Variants in RBM47 observed in about 807,000 individuals in gnomAD.
The protein encoded by RBM47 is RNA binding motif protein 47, also known as RNA-binding protein 47.
A neutral mutation model predicts 47.1 loss-of-function variants in RBM47; 21 were observed. That is an observed-to-expected ratio of 0.45 (90% CI 0.32 to 0.64). The LOEUF is 0.64. Among genes scored for constraint, RBM47 ranks in the 30% least tolerant of loss-of-function variants. The probability of loss-of-function intolerance (pLI) is 0.05; values close to 1 mark genes in which losing one functional copy is unlikely to be tolerated. For missense variants in RBM47, 708 were observed against 870.9 expected (o/e 0.81, Z 2.35); for synonymous variants, 375 against 361.7 (o/e 1.04, Z -0.42).
At chr4:40,430,259 A>C (rs74834163) in intron 6 of RBM47, among the ~76,000 whole-genome samples, 9 of 144,150 alleles carry the variant, frequency 6.2e-5, no homozygotes, top group Admixed American at 2.1e-4. Flanking sequence ...CAAAAAAAAA[A>C]CCCTGATGGC....
At chr4:40,505,914 AC>A (rs1441132341) in intron 2 of RBM47, among the ~76,000 whole-genome samples, 3 of 151,812 alleles carry the variant, frequency 2.0e-5, no homozygotes, top group African/African-American at 7.3e-5. Flanking sequence ...ACAAAACAAA[AC>A]AAAAAACAAA....
intron 2 of RBM47, among the ~76,000 whole-genome samples, chr4:40,474,773 C>A (rs1203383258): frequency 2.0e-5 from 3 of 152,150 alleles, no homozygotes; most frequent in Non-Finnish European, 4.4e-5. Flanking sequence ...TTTCTTTGAA[C>A]CCAAACTTAT....
intron 5 of RBM47, among the ~76,000 whole-genome samples, chr4:40,434,626 CAGT>C (rs1712003423): frequency 3.4e-5 from 1 of 29,774 alleles, no homozygotes. Flanking sequence ...ACTTTGCCCA[CAGT>C]GCCAATGACA....
chr4:40,627,409 A>ATC (rs1737843416), intron 1 of RBM47, among the ~76,000 whole-genome samples: 1 of 151,962 alleles, frequency 6.6e-6, no homozygotes, highest in Admixed American at 6.6e-5. Context: ...TTTTAAGAAA[A>ATC]TCTCCCTCCC....
At chr4:40,451,278 T>C (rs1190132515) in intron 3 of RBM47, among the ~76,000 whole-genome samples, 1 of 149,138 alleles carries the variant, frequency 6.7e-6, no homozygotes, top group Non-Finnish European at 1.5e-5. Flanking sequence ...TGTGATACAA[T>C]AATACTCATT....
chr4:40,426,398 G>A (rs1715047911), intron 6 of RBM47, among the ~76,000 whole-genome samples: 1 of 152,206 alleles, frequency 6.6e-6, no homozygotes, highest in South Asian at 2.1e-4. Context: ...TGAGGGAAAG[G>A]TGAAATACAG....
rs144990214 is a variant in RBM47 at position 40,465,461 on chromosome 4, A to G, written c.-32+1116T>C. 4.8e-3 allele frequency among the ~76,000 whole-genome samples: 737 copies of G among 152,246 alleles called. 8 individuals are homozygous for G. Among genetic ancestry groups the G allele is most frequent in the African/African-American group, 0.017 (716 of 41,536 alleles). ...GATTGCCTGAGCTCAGAGGTTCAAG[A>G]CCAGCCTGGGCAACACAGTGAAACC... is the stretch of plus-strand genomic sequence containing the variant. On this transcript the variant is annotated intron_variant, in intron 3 of 6. Coordinates refer to ENST00000295971, the MANE Select transcript of RBM47 (RefSeq NM_001098634.2).
chr4:40,505,862 G>A (rs984882667), intron 2 of RBM47, among the ~76,000 whole-genome samples: 1 of 151,698 alleles, frequency 6.6e-6, no homozygotes, highest in South Asian at 2.1e-4. Context: ...ACTGCAGCCT[G>A]GGTGACAGAG....
At chr4:40,498,493 A>G (rs1032047377) in intron 2 of RBM47, among the ~76,000 whole-genome samples, 1 of 151,974 alleles carries the variant, frequency 6.6e-6, no homozygotes, top group South Asian at 2.1e-4. Flanking sequence ...AGCCTGGCCA[A>G]CATGGGGAAA....
intron 1 of RBM47, among the ~76,000 whole-genome samples, chr4:40,597,175 A>T (rs1362917888): frequency 6.6e-6 from 1 of 151,676 alleles, no homozygotes; most frequent in Non-Finnish European, 1.5e-5. Flanking sequence ...CAGGAGAATC[A>T]CTTGAACCCA....
intron 3 of RBM47, among the ~76,000 whole-genome samples, chr4:40,452,358 T>A (rs1391065526): frequency 6.6e-6 from 1 of 152,078 alleles, no homozygotes; most frequent in African/African-American, 2.4e-5. Context: ...TCACTTTCTG[T>A]GGTAGACAGT....
At chr4:40,570,317 T>C (rs1357102698) in intron 1 of RBM47, among the ~76,000 whole-genome samples, 1 of 151,878 alleles carries the variant, frequency 6.6e-6, no homozygotes, top group East Asian at 1.9e-4. Flanking sequence ...CTGAGCTTGT[T>C]TTCTTGCAAC....
chr4:40,576,183 A>G (rs1732287409), intron 1 of RBM47, among the ~76,000 whole-genome samples: 1 of 144,982 alleles, frequency 6.9e-6, no homozygotes, highest in South Asian at 2.2e-4. Context: ...GCTTTCCCTT[A>G]TCTTTCCCAG....
intron 1 of RBM47, among the ~76,000 whole-genome samples, chr4:40,613,751 T>A: frequency 6.7e-6 from 1 of 149,530 alleles, no homozygotes; most frequent in Admixed American, 6.7e-5. Flanking sequence ...GAACCAGGAG[T>A]TCAAGACCAG....
intron 1 of RBM47, among the ~76,000 whole-genome samples, chr4:40,549,109 T>TG (rs369365106): frequency 0.16 from 23,582 of 146,824 alleles, 1,953 homozygotes; most frequent in East Asian, 0.23. Context: ...TCTTTTTTTT[T>TG]GGGGGGGGGG....
chr4:40,622,004 G>A (rs1203272811), intron 1 of RBM47, among the ~76,000 whole-genome samples: 1 of 152,202 alleles, frequency 6.6e-6, no homozygotes, highest in Non-Finnish European at 1.5e-5. Flanking sequence ...GTATGTTCGT[G>A]GTTGTATTTC....
intron 1 of RBM47, among the ~76,000 whole-genome samples, chr4:40,580,460 C>G (rs949214894): frequency 1.3e-5 from 1 of 79,636 alleles, no homozygotes; most frequent in African/African-American, 5.7e-5. Flanking sequence ...AGATCAGGAA[C>G]CTCAGGCACG....
At chr4:40,617,754 A>G (rs984816001) in intron 1 of RBM47, among the ~76,000 whole-genome samples, 2 of 151,454 alleles carry the variant, frequency 1.3e-5, no homozygotes, top group Admixed American at 1.3e-4. Flanking sequence ...TATAAGTTTG[A>G]TGACTGAAAC....
chr4:40,600,249 A>G (rs2340882), intron 1 of RBM47, among the ~76,000 whole-genome samples: 111,264 of 151,106 alleles, frequency 0.74, 41,264 homozygotes, highest in African/African-American at 0.77. Flanking sequence ...GTGGTCTCAA[A>G]CAATCCTCCT....
Sources: gnomAD v4.1 joint callset for allele counts (sites outside exome capture counted in the v4.1 genomes callset) on GRCh38, gnomAD v4.1.1 for gene constraint, MANE v1.5 for transcripts, NCBI Gene and HGNC (gene_info 2026-07-23, HGNC 2026-07-21) for gene names.